The following PFDN1 variants were observed in gnomAD, a reference collection of about 807,000 sequenced individuals.
PFDN1 encodes prefoldin subunit 1, also known as prefoldin 1.
A neutral mutation model predicts 17.3 loss-of-function variants in PFDN1; 6 were observed. The observed-to-expected ratio is 0.35, with a 90% CI of 0.19 to 0.69. The LOEUF is 0.69. PFDN1 is among the 30% of genes least tolerant of loss of function. The pLI is 0.65. For synonymous variants in PFDN1, 58 were observed against 50.1 expected (o/e 1.16, Z -0.67); for missense variants, 113 against 146.2 (o/e 0.77, Z 1.17).
intron 3 of PFDN1, among the ~76,000 whole-genome samples, chr5:140,263,389 A>G (rs761988129): frequency 6.6e-6 from 1 of 152,244 alleles, no homozygotes; most frequent in Non-Finnish European, 1.5e-5. Context: ...CCAAAGCCAC[A>G]TCCTTCAACC....
intron 3 of PFDN1, among the ~76,000 whole-genome samples, chr5:140,272,658 G>A (rs1002492060): frequency 6.6e-6 from 1 of 152,072 alleles, no homozygotes; most frequent in Admixed American, 6.6e-5. Context: ...ATGCCCGGCT[G>A]TAAAACTGTA....
intron 3 of PFDN1, among the ~76,000 whole-genome samples, chr5:140,255,003 G>C (rs1047374945): frequency 3.9e-5 from 6 of 152,170 alleles, no homozygotes; most frequent in Non-Finnish European, 8.8e-5. Context: ...AATGTTGCTG[G>C]AGGAAAATGC....
chr5:140,276,168 A>G (rs185355146), intron 3 of PFDN1, among the ~76,000 whole-genome samples: 95 of 152,314 alleles, frequency 6.2e-4, no homozygotes, highest in African/African-American at 2.2e-3. Context: ...ACTTGGGGAA[A>G]ATCATTTAGA....
At chr5:140,251,277 C>G (rs6863474) in intron 3 of PFDN1, among the ~76,000 whole-genome samples, 1 of 151,918 alleles carries the variant, frequency 6.6e-6, no homozygotes, top group Non-Finnish European at 1.5e-5. Context: ...CCCCATAAAT[C>G]TATACAATTA....
At chr5:140,275,291 C>T (rs1370329184) in intron 3 of PFDN1, among the ~76,000 whole-genome samples, 1 of 151,880 alleles carries the variant, frequency 6.6e-6, no homozygotes, top group Non-Finnish European at 1.5e-5. Flanking sequence ...TGCCTGTAGT[C>T]CCAGCTACTC....
At chr5:140,260,542 A>T (rs1765050060) in intron 3 of PFDN1, among the ~76,000 whole-genome samples, 1 of 151,280 alleles carries the variant, frequency 6.6e-6, no homozygotes, top group South Asian at 2.1e-4. Flanking sequence ...ACATGCTATA[A>T]CATGAATGAA....
At chr5:140,286,226 C>A (rs897539400) in intron 2 of PFDN1, among the ~76,000 whole-genome samples, 2 of 151,490 alleles carry the variant, frequency 1.3e-5, no homozygotes, top group South Asian at 2.1e-4. Flanking sequence ...GCCTGGCCAA[C>A]ATGGTGAAAC....
chr5:140,271,036 A>G (rs1411539347), intron 3 of PFDN1, among the ~76,000 whole-genome samples: 1 of 152,188 alleles, frequency 6.6e-6, no homozygotes, highest in Non-Finnish European at 1.5e-5. Flanking sequence ...ATTTGGGCAA[A>G]TTTTAGCACT....
intron 3 of PFDN1, among the ~76,000 whole-genome samples, chr5:140,272,269 C>T (rs1427822827): frequency 1.3e-5 from 2 of 152,084 alleles, no homozygotes; most frequent in Admixed American, 6.5e-5. Context: ...ATCTGCCCGC[C>T]TCAGCCTCCC....
chr5:140,302,603 G>A (rs1156916069), intron 1 of PFDN1, among the ~76,000 whole-genome samples: 2 of 152,120 alleles, frequency 1.3e-5, no homozygotes. Flanking sequence ...GTACAGAACC[G>A]AATAAATGGC....
intron 3 of PFDN1, among the ~76,000 whole-genome samples, chr5:140,276,805 A>AAAAAC (rs1765301791): frequency 6.7e-6 from 1 of 149,278 alleles, no homozygotes; most frequent in Non-Finnish European, 1.5e-5. Context: ...AAAAAAAAAA[A>AAAAAC]GACTGAGAGT....
chr5:140,281,244 A>T (rs930905116), intron 3 of PFDN1: 24 of 428,846 alleles, frequency 5.6e-5, no homozygotes, highest in African/African-American at 4.9e-4. Context: ...GCAGTTCCAA[A>T]GAAGAGACTA....
chr5:140,269,291 G>A (rs910079347), intron 3 of PFDN1, among the ~76,000 whole-genome samples: 1 of 151,900 alleles, frequency 6.6e-6, no homozygotes, highest in Non-Finnish European at 1.5e-5. Flanking sequence ...GGGATTATAG[G>A]CATGAGCCAC....
intron 3 of PFDN1, among the ~76,000 whole-genome samples, chr5:140,276,123 A>C (rs1765289191): frequency 6.6e-6 from 1 of 152,182 alleles, no homozygotes; most frequent in South Asian, 2.1e-4. Context: ...CTAGAAGAAG[A>C]GACTGCAGAT....
At chr5:140,257,975 G>GA (rs2126680641) in intron 3 of PFDN1, among the ~76,000 whole-genome samples, 1 of 152,314 alleles carries the variant, frequency 6.6e-6, no homozygotes, top group East Asian at 1.9e-4. Context: ...TGAGAGTGGG[G>GA]AGAGAGTAAT....
At chr5:140,301,640 GTTT>G (rs1383885672) in intron 1 of PFDN1, among the ~76,000 whole-genome samples, 1 of 152,016 alleles carries the variant, frequency 6.6e-6, no homozygotes, top group Non-Finnish European at 1.5e-5. Context: ...CTTTAAACAA[GTTT>G]TTTAATTAAT....
Position 140,299,873 on chromosome 5 carries a change from G to A in PFDN1, c.200+543C>T, listed in dbSNP as rs192131497. On this transcript the variant is annotated intron_variant, in intron 2 of 3. Transcript: ENST00000261813. ...CTAAAAACACAAAAATTAGCAGGGCGTGGTGGCAAGCGCCCGTAATCCCAG... is the reference window on the plus strand; with the variant it reads ...CTAAAAACACAAAAATTAGCAGGGCATGGTGGCAAGCGCCCGTAATCCCAG... Among the ~76,000 whole-genome samples, 4 of 151,874 alleles carry A rather than the reference G, an allele frequency of 2.6e-5. No individual in the cohort carries two copies. The East Asian group carries it at 6.0e-4, about 23-fold the overall frequency.
chr5:140,295,936 A>G (rs914598783), intron 2 of PFDN1, among the ~76,000 whole-genome samples: 2 of 152,166 alleles, frequency 1.3e-5, no homozygotes, highest in Non-Finnish European at 2.9e-5. Flanking sequence ...TATGCATAAA[A>G]TAGCCTTTAT....
chr5:140,247,833 G>C (rs1245081251), intron 3 of PFDN1, among the ~76,000 whole-genome samples: 3 of 152,018 alleles, frequency 2.0e-5, no homozygotes, highest in Admixed American at 2.0e-4. Context: ...TAGGGGCTGA[G>C]GCAGGAGAAT....
Sources: gnomAD v4.1 joint callset for allele counts (sites outside exome capture counted in the v4.1 genomes callset) on GRCh38, gnomAD v4.1.1 for gene constraint, MANE v1.5 for transcripts, NCBI Gene and HGNC (gene_info 2026-07-23, HGNC 2026-07-21) for gene names.